Variants in KCNIP1 observed in about 807,000 individuals in gnomAD.
KCNIP1 encodes the protein A-type potassium channel modulatory protein KCNIP1.
A neutral mutation model predicts 33.0 loss-of-function variants in KCNIP1; 18 were observed. The observed-to-expected ratio is 0.55, with a 90% CI of 0.38 to 0.81. KCNIP1 has a LOEUF of 0.81. Among genes scored for constraint, KCNIP1 ranks in the 30% least tolerant of loss-of-function variants. The pLI is 0.00. For synonymous variants in KCNIP1, 93 were observed against 98.3 expected (o/e 0.95, Z 0.32); for missense variants, 238 against 271.6 (o/e 0.88, Z 0.87).
Position 170,353,925 on chromosome 5 carries a change from C to T in KCNIP1, c.49C>T (p.Gln17Ter). ...CAAGCTTGGGTTCGTGAAATTTGCC[C>T]AGACCATCTTTAAGCTCATCACTGG... The change falls in exon 1 of 8, where the codon CAG (glutamine) becomes TAG (stop). Residue 17 changes from glutamine to a stop codon, truncating the protein, a stop_gained. Coordinates refer to the KCNIP1 transcript ENST00000377360. LOFTEE classifies it high-confidence loss of function. The T allele has an allele frequency of 6.2e-7, 1 of 1,614,224 alleles. No homozygotes were observed. The highest frequency in any genetic ancestry group is 1.3e-5 in the African/African-American group (1 of 75,046).
chr5:170,445,804 A>T (rs1245753512), intron 1 of KCNIP1, among the ~76,000 whole-genome samples: 1 of 152,246 alleles, frequency 6.6e-6, no homozygotes, highest in Non-Finnish European at 1.5e-5. Context: ...AAGCCAGGCC[A>T]TACTACCGAG....
At chr5:170,422,002 AGGGAGAAGAATCCACT>A (rs1755505895) in intron 1 of KCNIP1, 1 of 151,964 alleles carries the variant, frequency 6.6e-6, no homozygotes, top group Non-Finnish European at 1.5e-5. Flanking sequence ...ATGACTTGGC[AGGGAGAAGAATCCACT>A]GGGACATTCA....
intron 1 of KCNIP1, chr5:170,679,028 G>C (rs1762239676): frequency 6.6e-6 from 1 of 152,220 alleles, no homozygotes; most frequent in African/African-American, 2.4e-5. Flanking sequence ...TATTACACTT[G>C]CTAGGGCCCC....
At chr5:170,544,897 A>G (rs933440210) in intron 1 of KCNIP1, among the ~76,000 whole-genome samples, 1 of 152,210 alleles carries the variant, frequency 6.6e-6, no homozygotes, top group Non-Finnish European at 1.5e-5. Flanking sequence ...TATAAATCTG[A>G]TAAGACATTA....
At chr5:170,388,665 G>A (rs551351422) in intron 1 of KCNIP1, among the ~76,000 whole-genome samples, 4 of 152,278 alleles carry the variant, frequency 2.6e-5, no homozygotes, top group Admixed American at 2.6e-4. Flanking sequence ...GTACATTGTT[G>A]AACAGTTTGG....
At chr5:170,463,692 C>A (rs938625586) in intron 1 of KCNIP1, among the ~76,000 whole-genome samples, 1 of 152,028 alleles carries the variant, frequency 6.6e-6, no homozygotes, top group Non-Finnish European at 1.5e-5. Flanking sequence ...GGACATCTAC[C>A]AAAAATCCAC....
At chr5:170,439,858 A>T (rs559292274) in intron 1 of KCNIP1, among the ~76,000 whole-genome samples, 1 of 152,148 alleles carries the variant, frequency 6.6e-6, no homozygotes, top group Admixed American at 6.5e-5. Context: ...CTTGAGGGGG[A>T]TTAGATCCTG....
chr5:170,679,626 A>AGTGTGT (rs58712710), intron 1 of KCNIP1, among the ~76,000 whole-genome samples: 18,113 of 144,342 alleles, frequency 0.13, 1,105 homozygotes, highest in Middle Eastern at 0.15. Context: ...TGTATATGAC[A>AGTGTGT]GTGTGTGTGT....
chr5:170,379,443 G>A (rs925074342), intron 1 of KCNIP1, among the ~76,000 whole-genome samples: 1 of 152,198 alleles, frequency 6.6e-6, no homozygotes, highest in East Asian at 1.9e-4. Context: ...ATTGCCTACA[G>A]GGCTCATGAA....
intron 1 of KCNIP1, among the ~76,000 whole-genome samples, chr5:170,622,515 G>C (rs554282381): frequency 6.6e-6 from 1 of 151,750 alleles, no homozygotes; most frequent in Admixed American, 6.6e-5. Flanking sequence ...CCAGCTACTC[G>C]GGAGGCTGAG....
At chr5:170,361,517 C>T (rs1403315383) in intron 1 of KCNIP1, among the ~76,000 whole-genome samples, 3 of 152,110 alleles carry the variant, frequency 2.0e-5, no homozygotes, top group Admixed American at 6.5e-5. Context: ...GAAGAACACC[C>T]GCTTTGGAGC....
intron 1 of KCNIP1, among the ~76,000 whole-genome samples, chr5:170,575,751 C>T (rs1001886342): frequency 6.6e-6 from 1 of 152,144 alleles, no homozygotes; most frequent in African/African-American, 2.4e-5. Context: ...TCTCAACGGG[C>T]CTTTAGAAGC....
chr5:170,717,167 T>C (rs1230338118), intron 1 of KCNIP1, among the ~76,000 whole-genome samples: 2 of 152,228 alleles, frequency 1.3e-5, no homozygotes, highest in African/African-American at 4.8e-5. Flanking sequence ...ACAATTAATT[T>C]CTCTGTTAAA....
At chr5:170,466,261 G>A (rs2113121204) in intron 1 of KCNIP1, among the ~76,000 whole-genome samples, 1 of 152,248 alleles carries the variant, frequency 6.6e-6, no homozygotes, top group South Asian at 2.1e-4. Flanking sequence ...CACTGAGAAA[G>A]GACACCCAAG....
chr5:170,561,986 C>T (rs1757049127), intron 1 of KCNIP1, among the ~76,000 whole-genome samples: 1 of 152,188 alleles, frequency 6.6e-6, no homozygotes, highest in Non-Finnish European at 1.5e-5. Flanking sequence ...TCCAGATGCT[C>T]CTTAACATAC....
At chr5:170,600,771 A>T (rs1339516007) in intron 1 of KCNIP1, among the ~76,000 whole-genome samples, 1 of 152,188 alleles carries the variant, frequency 6.6e-6, no homozygotes, top group Non-Finnish European at 1.5e-5. Flanking sequence ...CTGGATTCAG[A>T]TCTCCACTCA....
intron 1 of KCNIP1, among the ~76,000 whole-genome samples, chr5:170,549,338 C>A (rs1344249806): frequency 6.6e-6 from 1 of 152,096 alleles, no homozygotes; most frequent in Non-Finnish European, 1.5e-5. Context: ...TCTGAGGGTG[C>A]AAGTGCAGTT....
At chr5:170,397,735 C>A (rs765967281) in intron 1 of KCNIP1, among the ~76,000 whole-genome samples, 3 of 152,152 alleles carry the variant, frequency 2.0e-5, no homozygotes, top group African/African-American at 4.8e-5. Flanking sequence ...ATATGAGTGA[C>A]CAATGGCCCA....
At chr5:170,696,557 G>C (rs765586517) in intron 1 of KCNIP1, among the ~76,000 whole-genome samples, 1 of 152,194 alleles carries the variant, frequency 6.6e-6, no homozygotes, top group Non-Finnish European at 1.5e-5. Context: ...CGAGATTTGA[G>C]AGAGGGCAGC....
Sources: allele counts gnomAD v4.1 joint callset (sites outside exome capture counted in the v4.1 genomes callset), GRCh38; gene constraint gnomAD v4.1.1; transcripts MANE v1.5; gene names NCBI Gene and HGNC (gene_info 2026-07-23, HGNC 2026-07-21).